Variants in FIZ1 observed in about 807,000 individuals in gnomAD.
The protein encoded by FIZ1 is FLT3 interacting zinc finger 1.
In FIZ1, 2 loss-of-function variants were observed where a neutral mutation model predicts 5.3. The observed-to-expected ratio is 0.37, with a 90% confidence interval of 0.15 to 1.18. The LOEUF is 1.18. Among genes scored for constraint, FIZ1 ranks in the 50% most tolerant of loss-of-function variants. The pLI is 0.37. For missense variants in FIZ1, 631 were observed against 749.7 expected (o/e 0.84, Z 1.85); for synonymous variants, 407 against 364.2 (o/e 1.12, Z -1.34).
At chr19:55,594,324 G>A (rs893298309) in intron 2 of FIZ1, among the ~76,000 whole-genome samples, 11 of 151,088 alleles carry the variant, frequency 7.3e-5, no homozygotes, top group East Asian at 1.9e-4. Context: ...ACTTGAACCC[G>A]GGAGGTGGAG....
At chr19:55,594,168 C>A (rs1417858699) in intron 2 of FIZ1, among the ~76,000 whole-genome samples, 1 of 151,530 alleles carries the variant, frequency 6.6e-6, no homozygotes, top group East Asian at 1.9e-4. Flanking sequence ...GTGGGTGGAT[C>A]ATTTGAGGTC....
intron 2 of FIZ1, among the ~76,000 whole-genome samples, chr19:55,594,408 A>T (rs1304152342): frequency 6.8e-6 from 1 of 147,152 alleles, no homozygotes; most frequent in Non-Finnish European, 1.5e-5. Flanking sequence ...CAAAAAAAAA[A>T]AAAAAAAGCC....
At position 55,593,005 on chromosome 19, in the gene FIZ1, G is replaced by A. The variant is rs1346250432; in HGVS notation, c.936C>T (p.Gly312=). The A allele has an allele frequency of 1.3e-6, 2 of 1,484,962 alleles. No individual in the cohort carries two copies. Among genetic ancestry groups the A allele is most frequent in the Middle Eastern group, 1.9e-4 (1 of 5,232 alleles). 92.0% of individuals were successfully genotyped at this position (1,484,962 alleles called of 1,614,324 possible). A position where few individuals can be genotyped will look rare whatever the true frequency, so the allele number is the denominator to read the frequency against. ...CCGCAGGTGCAGGCGCCTCCCCACC[G>A]CCCTCGGGGAGCAGCCCCCCGAGCT... The part of the protein sequence containing the change: ...VPKLGGLLPE[G]GGEAPAPAAA... The change falls in exon 3 of 3, where the codon GGC becomes GGT. Residue 312 remains glycine, a synonymous_variant. Coordinates refer to ENST00000221665, the MANE Select transcript of FIZ1 (RefSeq NM_032836.3). The surrounding 1 kb of genome is among the most constrained non-coding windows in gnomAD (Gnocchi z 6.3).
At position 55,593,110 on chromosome 19, in the gene FIZ1, G is replaced by A. The variant is rs1980115969; in HGVS notation, c.831C>T (p.Gly277=). 1 of 1,287,024 alleles carries A rather than the reference G, an allele frequency of 7.8e-7. No individual in the cohort carries two copies. The highest frequency in any genetic ancestry group is 9.8e-7 in the Non-Finnish European group (1 of 1,017,384). The allele number at this position is 1,287,024 out of a possible 1,614,324, so 79.7% of individuals were successfully genotyped here. A position where few individuals can be genotyped will look rare whatever the true frequency, so the allele number is the denominator to read the frequency against. ...GAGCGTCGCCCGCCTCCGCAGCGGT[G>A]CCTTCGCCCGCCGTCTCGGGCCCTG... The part of the protein sequence containing the change: ...PGAGPETAGE[G]TAAEAGDAPL... The change falls in exon 3 of 3, where the codon GGC becomes GGT. Residue 277 remains glycine (G), a synonymous_variant. Coordinates refer to ENST00000221665, the MANE Select transcript of FIZ1 (RefSeq NM_032836.3). This position sits in a 1 kb window ranked among gnomAD's most constrained non-coding sequence, Gnocchi z 6.3.
Position 55,593,856 on chromosome 19 carries a change from G to C in FIZ1, c.295-210C>G, listed in dbSNP as rs1441084444. On this transcript the variant is annotated intron_variant, in intron 2 of 2. Coordinates refer to ENST00000221665, the MANE Select transcript of FIZ1 (RefSeq NM_032836.3). The surrounding 1 kb of genome is among the most constrained non-coding windows in gnomAD (Gnocchi z 6.3). ...GGCCATGTCCTGGCTGGCCATGGTG[G>C]CTCACGCCTGTAATCCCAGCACTCT... Among the ~76,000 whole-genome samples the C allele has an allele frequency of 6.6e-6, 1 of 152,154 alleles. No homozygotes were observed. Among genetic ancestry groups the C allele is most frequent in the African/African-American group, 2.4e-5 (1 of 41,426 alleles).
chr19:55,593,678 G>A lies in FIZ1; in HGVS notation c.295-32C>T. ...GTGCGGGAGGAAGGGCACAACGTCAGGGCTGAGAACCTAGCCCGGACAACG... is the reference window on the plus strand; with the variant it reads ...GTGCGGGAGGAAGGGCACAACGTCAAGGCTGAGAACCTAGCCCGGACAACG... On this transcript the variant is annotated intron_variant, in intron 2 of 2. Transcript: ENST00000221665. The surrounding 1 kb of genome is among the most constrained non-coding windows in gnomAD (Gnocchi z 6.3). The A allele has an allele frequency of 6.5e-7, 1 of 1,543,384 alleles. No homozygotes were observed. Among genetic ancestry groups the A allele is most frequent in the Non-Finnish European group, 8.8e-7 (1 of 1,140,582 alleles).
chr19:55,593,208 G>A lies in FIZ1; in HGVS notation c.733C>T (p.Arg245Trp), dbSNP rs1352404011. 4 of 1,214,830 alleles carry A rather than the reference G, an allele frequency of 3.3e-6. No individual in the cohort carries two copies. Among genetic ancestry groups the A allele is most frequent in the East Asian group, 4.4e-5 (1 of 22,636 alleles). The allele number at this position is 1,214,830 out of a possible 1,614,324, so 75.3% of individuals were successfully genotyped here. A position where few individuals can be genotyped will look rare whatever the true frequency, so the allele number is the denominator to read the frequency against. The change falls in exon 3 of 3, where the codon CGG becomes TGG. Residue 245 changes from arginine (R) to tryptophan (W), a missense_variant. Arg to Trp is a moderately radical substitution (Grantham distance 101, BLOSUM62 -3). Transcript: ENST00000221665. This position sits in a 1 kb window ranked among gnomAD's most constrained non-coding sequence, Gnocchi z 6.3. ...RDFNAPALLE[R>W]HKLTHDLQGP... ...TGCAGGTCGTGCGTCAGCTTGTGCC[G>A]CTCCAGCAGCGCGGGCGCGTTGAAG...
chr19:55,593,333 C>T lies in FIZ1; in HGVS notation c.608G>A (p.Gly203Asp). The change falls in exon 3 of 3, where the codon GGC (glycine) becomes GAC (aspartate). Residue 203 changes from glycine to aspartate, a missense_variant. This residue lies in a region of FIZ1 where 463 missense variants were observed against 455.1 expected (regional missense o/e 1.02). Coordinates refer to ENST00000221665, the MANE Select transcript of FIZ1 (RefSeq NM_032836.3). This position sits in a 1 kb window ranked among gnomAD's most constrained non-coding sequence, Gnocchi z 6.3. ...AAASLPPFAC[G>D]ACARRFDHGR... ...GTGGTCGAAGCGCCGCGCGCAGGCG[C>T]CGCACGCAAATGGGGGCAAGGAGGC... 1.5e-6 allele frequency: 2 copies of T among 1,304,996 alleles called. No individual in the cohort carries two copies. Among genetic ancestry groups the T allele is most frequent in the South Asian group, 1.9e-5 (1 of 51,966 alleles). 80.8% of individuals were successfully genotyped at this position (1,304,996 alleles called of 1,614,324 possible).
In FIZ1 at chr19:55,597,710, T is replaced by C. The variant is rs777578154; in HGVS notation, c.156A>G (p.Ala52=). ...TGAAACCCTTGCCGCAGCGCGGACATGCGTGGGGCTTGAGCGCTGTGTGCC... is the reference window on the plus strand; with the variant it reads ...TGAAACCCTTGCCGCAGCGCGGACACGCGTGGGGCTTGAGCGCTGTGTGCC... ...FARHTALKPH[A]CPRCGKGFKH... Residue 52 remains alanine (A), a synonymous_variant, in exon 2 of 3, where the codon GCA becomes GCG. Transcript: ENST00000221665. 1.2e-6 allele frequency: 2 copies of C among 1,614,040 alleles called. No homozygotes were observed. The highest frequency in any genetic ancestry group is 1.7e-6 in the Non-Finnish European group (2 of 1,179,934).
rs377755621 is a variant in FIZ1, at chr19:55,592,498, C to T, written c.1443G>A (p.Thr481=). The part of the protein sequence containing the change: ...PCHICGKGFI[T]LSNLSRHLKL... Reference sequence around the variant, plus strand: ...TCAGGTGCCTGGAGAGGTTGCTGAGCGTGATGAAGCCCTTGCCGCAGATGT... The same window carrying T: ...TCAGGTGCCTGGAGAGGTTGCTGAGTGTGATGAAGCCCTTGCCGCAGATGT... The change falls in exon 3 of 3, where the codon ACG becomes ACA. Residue 481 remains threonine (T), a synonymous_variant. Transcript: ENST00000221665. This position sits in a 1 kb window ranked among gnomAD's most constrained non-coding sequence, Gnocchi z 6.9. 10 of 1,596,368 alleles carry T rather than the reference C, an allele frequency of 6.3e-6. No homozygotes were observed. The highest frequency in any genetic ancestry group is 8.5e-6 in the Non-Finnish European group (10 of 1,172,006).
rs1193765658 is a variant in FIZ1 at position 55,592,464 on chromosome 19, G to A, written c.1477C>T (p.Arg493Trp). 3 of 1,573,770 alleles carry A rather than the reference G, an allele frequency of 1.9e-6. No homozygotes were observed. Among genetic ancestry groups the A allele is most frequent in the East Asian group, 2.3e-5 (1 of 43,154 alleles). Residue 493 changes from arginine to tryptophan, a missense_variant, in exon 3 of 3, where the codon CGG becomes TGG. Arg to Trp is a moderately radical substitution (Grantham distance 101). Around this residue, in one of 4 missense-constraint regions of FIZ1, gnomAD observed 61 missense variants for 96.9 expected, o/e 0.63. Coordinates refer to ENST00000221665, the MANE Select transcript of FIZ1 (RefSeq NM_032836.3). The surrounding 1 kb of genome is among the most constrained non-coding windows in gnomAD (Gnocchi z 6.9). The part of the protein sequence containing the change: ...SNLSRHLKLH[R>W]GMD ...CAGCCTGGCAGTCAGTCCATGCCCC[G>A]GTGCAGCTTCAGGTGCCTGGAGAGG...
At position 55,593,043 on chromosome 19, in the gene FIZ1, C is replaced by T. The variant is rs1485080081; in HGVS notation, c.898G>A (p.Gly300Ser). Residue 300 changes from glycine (G) to serine (S), a missense_variant, in exon 3 of 3, where the codon GGC (glycine) becomes AGC (serine). This residue lies in a region of FIZ1 where 463 missense variants were observed against 455.1 expected (regional missense o/e 1.02). Coordinates refer to ENST00000221665, the MANE Select transcript of FIZ1 (RefSeq NM_032836.3). This position sits in a 1 kb window ranked among gnomAD's most constrained non-coding sequence, Gnocchi z 6.3. ...AGCCCCCCGAGCTTGGGCACGCCGC[C>T]CCCCGCGGGGCCCAGGAGCAGCCTG... is the stretch of plus-strand genomic sequence containing the variant. Reference protein sequence around the residue: ...DRRLLLGPAGGGVPKLGGLLP... With the variant: ...DRRLLLGPAGSGVPKLGGLLP... 10 of 1,402,434 alleles carry T rather than the reference C, an allele frequency of 7.1e-6. No individual in the cohort carries two copies. Among genetic ancestry groups the T allele is most frequent in the Non-Finnish European group, 9.2e-6 (10 of 1,087,940 alleles). The allele number at this position is 1,402,434 out of a possible 1,614,324, so 86.9% of individuals were successfully genotyped here.
At chr19:55,594,095 A>C (rs1024645559) in intron 2 of FIZ1, among the ~76,000 whole-genome samples, 4 of 152,144 alleles carry the variant, frequency 2.6e-5, no homozygotes, top group African/African-American at 9.7e-5. Context: ...CTCAAAAAAA[A>C]CAAAAAAACA....
At position 55,592,495 on chromosome 19, in the gene FIZ1, G is replaced by A. The variant is rs1338594105; in HGVS notation, c.1446C>T (p.Leu482=). The change falls in exon 3 of 3, where the codon CTC becomes CTT. Residue 482 remains leucine (L), a synonymous_variant. Transcript: ENST00000221665. This position sits in a 1 kb window ranked among gnomAD's most constrained non-coding sequence, Gnocchi z 6.9. The part of the protein sequence containing the change: ...CHICGKGFIT[L]SNLSRHLKLH... ...GCTTCAGGTGCCTGGAGAGGTTGCT[G>A]AGCGTGATGAAGCCCTTGCCGCAGA... is the stretch of plus-strand genomic sequence containing the variant. 8.8e-6 allele frequency: 14 copies of A among 1,595,428 alleles called. No homozygotes were observed. Among genetic ancestry groups the A allele is most frequent in the Non-Finnish European group, 1.1e-5 (13 of 1,171,554 alleles).
chr19:55,598,132 A>G, intron 1 of FIZ1: 1 of 551,954 alleles, frequency 1.8e-6, no homozygotes, highest in African/African-American at 1.9e-5. Context: ...TCCTCACTCC[A>G]CGGAGTGTTT....
At chr19:55,598,594 G>C (rs1032658928) in intron 1 of FIZ1, 4 of 152,302 alleles carry the variant, frequency 2.6e-5, no homozygotes, top group African/African-American at 9.7e-5. Flanking sequence ...TAAGCTGTTT[G>C]GATGACTATT....
chr19:55,593,458 CGAGCAGGGCCCCACATTGCAGCAGACG>C lies in FIZ1; in HGVS notation c.456_482del (p.Cys155_Cys163del). ...CGCCGGCCCCTGAGCCCCCGCACAC[CGAGCAGGGCCCCACATTGCAGCAGACG>C]GAGCAGGGCGCACTCAAGGCGGGCA... On this transcript the variant is annotated inframe_deletion, in exon 3 of 3. Coordinates refer to ENST00000221665, the MANE Select transcript of FIZ1 (RefSeq NM_032836.3). This position sits in a 1 kb window ranked among gnomAD's most constrained non-coding sequence, Gnocchi z 6.3. 1.3e-6 allele frequency: 2 copies of C among 1,545,418 alleles called. No individual in the cohort carries two copies. Among genetic ancestry groups the C allele is most frequent in the Non-Finnish European group, 1.7e-6 (2 of 1,145,584 alleles).
chr19:55,596,664 T>C (rs1227536477), intron 2 of FIZ1, among the ~76,000 whole-genome samples: 1 of 150,050 alleles, frequency 6.7e-6, no homozygotes, highest in Non-Finnish European at 1.5e-5. Context: ...CACATTGATT[T>C]GTATTTTTTG....
chr19:55,599,138 A>C (rs1599994468), intron 1 of FIZ1: 1 of 149,720 alleles, frequency 6.7e-6, no homozygotes. Flanking sequence ...CGCCCCTCCC[A>C]CTTCCACTCT....
Sources: gnomAD v4.1 joint callset for allele counts (sites outside exome capture counted in the v4.1 genomes callset) on GRCh38, gnomAD v4.1.1 for gene constraint, gnomAD v4.1.1 regional missense constraint, Gnocchi (gnomAD v3.1) non-coding constraint, MANE v1.5 for transcripts, NCBI Gene and HGNC (gene_info 2026-07-23, HGNC 2026-07-21) for gene names.